The following CDH13 variants were observed in gnomAD, a reference collection of about 807,000 sequenced individuals.
CDH13 encodes cadherin 13.
CDH13 carries 24 observed loss-of-function variants against 63.8 expected under a neutral mutation model. That is an observed-to-expected ratio of 0.38 (90% CI 0.27 to 0.53). The LOEUF is 0.53. Ranked by LOEUF, CDH13 falls within the 20% of genes least tolerant of loss-of-function variation. The pLI is 0.85. For missense variants in CDH13, 1,049 were observed against 903.1 expected (o/e 1.16, Z -2.07); for synonymous variants, 503 against 355.3 (o/e 1.42, Z -4.67).
At chr16:83,147,863 G>A (rs1354282662) in intron 4 of CDH13, among the ~76,000 whole-genome samples, 2 of 152,088 alleles carry the variant, frequency 1.3e-5, no homozygotes, top group African/African-American at 4.8e-5. Flanking sequence ...ACCATCATAA[G>A]CTGTAACTAC....
At chr16:83,115,130 G>A (rs1332746624) in intron 3 of CDH13, among the ~76,000 whole-genome samples, 1 of 152,188 alleles carries the variant, frequency 6.6e-6, no homozygotes, top group African/African-American at 2.4e-5. Flanking sequence ...TCCTTGAAAA[G>A]GTAGTCTCCA....
chr16:82,945,982 T>C (rs1904670942), intron 2 of CDH13, among the ~76,000 whole-genome samples: 1 of 152,090 alleles, frequency 6.6e-6, no homozygotes. Flanking sequence ...GTCTTCACCT[T>C]TGTCCTTCCG....
At chr16:83,708,133 A>T (rs897219754) in intron 10 of CDH13, among the ~76,000 whole-genome samples, 6 of 152,190 alleles carry the variant, frequency 3.9e-5, no homozygotes, top group Non-Finnish European at 8.8e-5. Context: ...TGCAAGACTC[A>T]CCACCCATAG....
chr16:82,858,809 C>A (rs1041035538), intron 2 of CDH13: 1 of 374,910 alleles, frequency 2.7e-6, no homozygotes, highest in African/African-American at 2.0e-5. Context: ...AAATCAAAAT[C>A]ATTGCCTTCT....
chr16:83,618,497 G>T (rs1365784914), intron 8 of CDH13, among the ~76,000 whole-genome samples: 1 of 151,974 alleles, frequency 6.6e-6, no homozygotes, highest in Non-Finnish European at 1.5e-5. Context: ...GAGGGGTCCT[G>T]CTCAAGGTAG....
At chr16:83,064,961 G>A (rs1017514555) in intron 3 of CDH13, among the ~76,000 whole-genome samples, 4 of 151,908 alleles carry the variant, frequency 2.6e-5, no homozygotes, top group African/African-American at 9.7e-5. Context: ...TCTTTCTCTT[G>A]TCTATCTGAA....
intron 11 of CDH13, among the ~76,000 whole-genome samples, chr16:83,763,127 A>G (rs1366301867): frequency 6.6e-6 from 1 of 152,194 alleles, no homozygotes; most frequent in African/African-American, 2.4e-5. Context: ...CCAAATTACC[A>G]CTAAATTCAG....
At chr16:83,760,886 C>T (rs1003381919) in intron 11 of CDH13, among the ~76,000 whole-genome samples, 1 of 152,186 alleles carries the variant, frequency 6.6e-6, no homozygotes, top group South Asian at 2.1e-4. Flanking sequence ...GCATCTTGTT[C>T]CAAGGAAGGG....
chr16:83,559,878 G>C (rs1487097896), intron 7 of CDH13, among the ~76,000 whole-genome samples: 2 of 152,050 alleles, frequency 1.3e-5, no homozygotes, highest in Non-Finnish European at 2.9e-5. Flanking sequence ...GAAAGAATTA[G>C]TTTCCTAATT....
At chr16:83,028,944 G>C (rs1916064227) in intron 2 of CDH13, among the ~76,000 whole-genome samples, 1 of 152,190 alleles carries the variant, frequency 6.6e-6, no homozygotes, top group Non-Finnish European at 1.5e-5. Context: ...AAATGGTCCA[G>C]GGTTCAAATC....
rs114891732 is a variant in CDH13 at position 83,394,205 on chromosome 16, C to G, written c.781+49199C>G. 4.9e-3 allele frequency among the ~76,000 whole-genome samples: 742 copies of G among 151,618 alleles called. 10 individuals carry two copies. Among genetic ancestry groups the G allele is most frequent in the African/African-American group, 0.017 (716 of 41,302 alleles). On this transcript the variant is annotated intron_variant, in intron 6 of 13. Coordinates refer to ENST00000567109, the MANE Select transcript of CDH13 (RefSeq NM_001257.5). ...TGAAACCCCCATGACACAAGTTTAC[C>G]TATATAGCAAAACTGCACATGTACC...
At chr16:83,078,825 C>G (rs970539157) in intron 3 of CDH13, among the ~76,000 whole-genome samples, 1 of 152,110 alleles carries the variant, frequency 6.6e-6, no homozygotes, top group Admixed American at 6.6e-5. Context: ...CAGAGTCTTG[C>G]TGTTGTCAGC....
intron 3 of CDH13, among the ~76,000 whole-genome samples, chr16:83,112,121 T>C (rs2035085979): frequency 6.6e-6 from 1 of 152,264 alleles, no homozygotes; most frequent in Non-Finnish European, 1.5e-5. Flanking sequence ...TCATTTTATC[T>C]CCCGCTGGGT....
In CDH13 at chr16:82,752,453, G is replaced by T. The variant is rs559520415; in HGVS notation, c.46-105909G>T. ...CTCTGCAGTACTTCATTTCCTAAAT[G>T]AATTAGTCCAGAGCCCTGTTTTGAA... On this transcript the variant is annotated intron_variant, in intron 1 of 13. Transcript: ENST00000567109. Among the ~76,000 whole-genome samples the T allele has an allele frequency of 2.2e-3, 341 of 152,278 alleles. 2 individuals are homozygous for T. Among genetic ancestry groups the T allele is most frequent in the African/African-American group, 7.6e-3 (315 of 41,550 alleles).
chr16:83,711,508 G>GT (rs1375182193), intron 10 of CDH13, among the ~76,000 whole-genome samples: 5 of 151,946 alleles, frequency 3.3e-5, no homozygotes, highest in South Asian at 2.1e-4. Context: ...TTATTTTTTG[G>GT]TTTTTTTGTT....
intron 1 of CDH13, among the ~76,000 whole-genome samples, chr16:82,795,447 A>G (rs756023964): frequency 3.9e-5 from 6 of 152,116 alleles, no homozygotes; most frequent in Non-Finnish European, 7.4e-5. Flanking sequence ...GGAACCTCAA[A>G]TTGTCATCCT....
chr16:83,378,436 A>G (rs1047876895), intron 6 of CDH13, among the ~76,000 whole-genome samples: 14 of 152,078 alleles, frequency 9.2e-5, no homozygotes, highest in African/African-American at 3.4e-4. Context: ...GGACATTATT[A>G]TGTTCTAGTT....
At chr16:83,096,119 T>A (rs1422861653) in intron 3 of CDH13, among the ~76,000 whole-genome samples, 1 of 152,164 alleles carries the variant, frequency 6.6e-6, no homozygotes. Flanking sequence ...GGTGGAAATA[T>A]GTGGAGTTAC....
chr16:82,880,896 G>A (rs573710145), intron 2 of CDH13, among the ~76,000 whole-genome samples: 3 of 152,218 alleles, frequency 2.0e-5, no homozygotes, highest in Admixed American at 2.0e-4. Context: ...TTGTAAATCA[G>A]ATTAAATAAT....
Sources: allele counts gnomAD v4.1 joint callset (sites outside exome capture counted in the v4.1 genomes callset), GRCh38; gene constraint gnomAD v4.1.1; transcripts MANE v1.5; gene names NCBI Gene and HGNC (gene_info 2026-07-23, HGNC 2026-07-21).